The following CACHD1 variants were observed in gnomAD, a reference collection of about 807,000 sequenced individuals.
CACHD1 encodes the protein cache domain containing 1, also known as VWFA and cache domain-containing protein 1.
Under a neutral mutation model 138.7 loss-of-function variants are expected in CACHD1, and 71 were observed. The ratio of observed to expected loss-of-function variants is 0.51; its 90% CI spans 0.42 to 0.62. The LOEUF (loss-of-function observed/expected upper bound fraction) is 0.62. Ranked by LOEUF, CACHD1 falls within the 20% of genes least tolerant of loss-of-function variation. The pLI, the probability that CACHD1 is intolerant of heterozygous loss-of-function variation, is 0.00. For missense variants in CACHD1, 1,389 were observed against 1,625.3 expected, an observed-to-expected ratio of 0.85 and a Z score of 2.50; for synonymous variants, 578 against 591.5, an observed-to-expected ratio of 0.98 and a Z score of 0.33.
chr1:64,677,089 T>C, intron 22 of CACHD1, 78 bp downstream of exon 22: 1 of 1,178,532 alleles, frequency 8.5e-7, no homozygotes, highest in Non-Finnish European at 1.2e-6. Flanking sequence ...TAAAAAGGTA[T>C]GTCAGTTTTT....
chr1:64,675,383 A>G lies in CACHD1; in HGVS notation c.2728-18A>G, dbSNP rs1313200148. 3 of 1,551,124 alleles carry G rather than the reference A, an allele frequency of 1.9e-6. No individual in the cohort carries two copies. Among genetic ancestry groups the G allele is most frequent in the South Asian group, 2.4e-5 (2 of 84,850 alleles). ...TGCATTGCTGTCTGTCATTTCTGAT[A>G]CCTTGATTGTTCTGTAGGGGGATTT... On this transcript the variant is annotated intron_variant, in intron 19 of 26. Transcript: ENST00000651257.
At chr1:64,498,109 A>T (rs1033567921) in intron 1 of CACHD1, among the ~76,000 whole-genome samples, 4 of 152,230 alleles carry the variant, frequency 2.6e-5, no homozygotes, top group Non-Finnish European at 5.9e-5. Flanking sequence ...TCTGGGTGAC[A>T]GAGCAAGACT....
rs907248064 is a variant in CACHD1 at position 64,540,264 on chromosome 1, CT to C, written c.199-10320del. Among the ~76,000 whole-genome samples, 1,458 of 149,194 alleles carry C rather than the reference CT, an allele frequency of 9.8e-3. 30 individuals carry two copies. Among genetic ancestry groups the C allele is most frequent in the African/African-American group, 0.034 (1,388 of 40,738 alleles). ...TACATGTATGGCCGCTAAATACCTCCTTTTTTTTTTCCTTTAAAAGTGAAAC... is the reference window on the plus strand; with the variant it reads ...TACATGTATGGCCGCTAAATACCTCCTTTTTTTTTCCTTTAAAAGTGAAAC... On this transcript the variant is annotated intron_variant, in intron 1 of 26. Transcript: ENST00000651257.
At chr1:64,569,500 G>A (rs752454717) in intron 2 of CACHD1, among the ~76,000 whole-genome samples, 1 of 152,080 alleles carries the variant, frequency 6.6e-6, no homozygotes, top group Non-Finnish European at 1.5e-5. Flanking sequence ...GGAAACAAAT[G>A]AAGGGACTGG....
At chr1:64,573,988 T>A (rs1646946937) in intron 2 of CACHD1, among the ~76,000 whole-genome samples, 1 of 152,162 alleles carries the variant, frequency 6.6e-6, no homozygotes, top group African/African-American at 2.4e-5. Context: ...AAGAACAGTG[T>A]GAAGCAGAAA....
intron 19 of CACHD1, among the ~76,000 whole-genome samples, chr1:64,674,299 T>C (rs757311338): frequency 1.3e-5 from 2 of 152,190 alleles, no homozygotes; most frequent in African/African-American, 2.4e-5. Context: ...TCAGACCCCA[T>C]ACCATTTTGA....
chr1:64,643,499 A>G (rs183949241), intron 8 of CACHD1, among the ~76,000 whole-genome samples: 35 of 152,320 alleles, frequency 2.3e-4, no homozygotes, highest in Admixed American at 2.0e-3. Flanking sequence ...AATAAGCAAT[A>G]TATGATTGTG....
chr1:64,502,899 T>C (rs1646347990), intron 1 of CACHD1, among the ~76,000 whole-genome samples: 1 of 152,224 alleles, frequency 6.6e-6, no homozygotes, highest in African/African-American at 2.4e-5. Flanking sequence ...TCGAAGTATT[T>C]TTCTTTTCCC....
chr1:64,540,651 C>T (rs918935035), intron 1 of CACHD1, among the ~76,000 whole-genome samples: 12 of 152,158 alleles, frequency 7.9e-5, no homozygotes, highest in African/African-American at 2.7e-4. Flanking sequence ...TTTACTCACC[C>T]GCTCTCCTGG....
chr1:64,573,067 C>T (rs1441386810), intron 2 of CACHD1, among the ~76,000 whole-genome samples: 1 of 152,184 alleles, frequency 6.6e-6, no homozygotes, highest in Non-Finnish European at 1.5e-5. Context: ...CCTTTCTGAA[C>T]AGGTGCTCTT....
At position 64,636,300 on chromosome 1, in the gene CACHD1, T is replaced by A. The variant is rs555028673; in HGVS notation, c.1006+2040T>A. On this transcript the variant is annotated intron_variant, in intron 7 of 26. Transcript: ENST00000651257. ...CAAAAGAAGGAAGCTACTGTAATTA[T>A]AACTAATGATGGTACATGGTGTGTT... is the stretch of plus-strand genomic sequence containing the variant. Among the ~76,000 whole-genome samples the A allele has an allele frequency of 1.4e-3, 213 of 152,324 alleles. 2 individuals are homozygous for A. The highest frequency in any genetic ancestry group is 5.0e-3 in the African/African-American group (209 of 41,566).
intron 1 of CACHD1, among the ~76,000 whole-genome samples, chr1:64,538,119 G>A (rs974743901): frequency 2.6e-5 from 4 of 152,222 alleles, no homozygotes; most frequent in Admixed American, 6.5e-5. Context: ...TTCGATATGC[G>A]TGACAGGCAC....
intron 2 of CACHD1, among the ~76,000 whole-genome samples, chr1:64,566,013 C>G (rs951137297): frequency 6.6e-6 from 1 of 152,116 alleles, no homozygotes; most frequent in African/African-American, 2.4e-5. Flanking sequence ...CTTGCTAGTT[C>G]CCTTACATCC....
At position 64,550,617 on chromosome 1, in the gene CACHD1, C is replaced by T. The variant is rs1015812750; in HGVS notation, c.222C>T (p.Tyr74=). Residue 74 remains tyrosine, a synonymous_variant, in exon 2 of 27, where the codon TAC becomes TAT. Transcript: ENST00000651257. ...TMQRIFNSFV[Y]TEKISNGESE... is the part of the protein sequence containing the mutation. ...AGCGGATATTCAACTCCTTTGTTTA[C>T]ACTGAGAAAATCTCAAATGGAGAAA... is the stretch of plus-strand genomic sequence containing the variant. 1.9e-6 allele frequency: 3 copies of T among 1,611,790 alleles called. No individual in the cohort carries two copies. The highest frequency in any genetic ancestry group is 2.5e-6 in the Non-Finnish European group (3 of 1,178,156).
At chr1:64,606,073 T>C (rs1437105349) in intron 4 of CACHD1, among the ~76,000 whole-genome samples, 3 of 147,288 alleles carry the variant, frequency 2.0e-5, no homozygotes, top group African/African-American at 7.4e-5. Context: ...TTCTGCATAG[T>C]AAGTACTCTT....
At chr1:64,616,600 G>T (rs560787753) in intron 4 of CACHD1, among the ~76,000 whole-genome samples, 1 of 152,250 alleles carries the variant, frequency 6.6e-6, no homozygotes, top group Middle Eastern at 3.4e-3. Context: ...TAAGAGTAAT[G>T]CTAAGCCAGA....
At position 64,675,463 on chromosome 1, in the gene CACHD1, A is replaced by G. The variant is rs752620225; in HGVS notation, c.2790A>G (p.Pro930=). ...CCAAATACAGATTAGCAAGGATCCC[A>G]GGAACCAACGCGTTTGTTGGCATTG... ...HCSKYRLARI[P]GTNAFVGIVN... The change falls in exon 20 of 27, where the codon CCA becomes CCG. Residue 930 remains proline (P), a synonymous_variant. Transcript: ENST00000651257. The G allele has an allele frequency of 6.2e-7, 1 of 1,613,824 alleles. No individual in the cohort carries two copies.
intron 13 of CACHD1, among the ~76,000 whole-genome samples, chr1:64,662,771 TAGATC>T (rs1649484978): frequency 1.3e-5 from 2 of 152,350 alleles, no homozygotes; most frequent in Non-Finnish European, 2.9e-5. Flanking sequence ...ATTTTCCTGT[TAGATC>T]AGACCAATAA....
At chr1:64,487,633 T>TA (rs146677938) in intron 1 of CACHD1, among the ~76,000 whole-genome samples, 4,597 of 150,142 alleles carry the variant, frequency 0.031, 210 homozygotes, top group African/African-American at 0.1. Flanking sequence ...CCTCCTTTTT[T>TA]AAAAAAAAAA....
Sources: gnomAD v4.1 joint callset for allele counts (sites outside exome capture counted in the v4.1 genomes callset) on GRCh38, gnomAD v4.1.1 for gene constraint, MANE v1.5 for transcripts, NCBI Gene and HGNC (gene_info 2026-07-23, HGNC 2026-07-21) for gene names.